Variants in OPA3 observed in about 807,000 individuals in gnomAD.
The protein encoded by OPA3 is optic atrophy 3 protein.
In OPA3, 6 loss-of-function variants were observed where a neutral mutation model predicts 4.0. The observed-to-expected ratio is 1.51, with a 90% CI of 0.83 to 2.99. OPA3 has a LOEUF of 2.99. Among genes scored for constraint, OPA3 ranks in the 30% most tolerant of loss-of-function variants. The pLI is 0.00. For missense variants in OPA3, 235 were observed against 256.2 expected (o/e 0.92, Z 0.56); for synonymous variants, 105 against 117.1 (o/e 0.90, Z 0.67).
Position 45,547,730 on chromosome 19 carries a change from T to C in OPA3, c.*5784A>G, listed in dbSNP as rs963794372. On this transcript the variant is annotated 3_prime_UTR_variant, in exon 2 of 2. Coordinates refer to ENST00000263275, the MANE Select transcript of OPA3 (RefSeq NM_025136.4). ...TTTTTTTTTTGAGATGGAGTCTCGT[T>C]CTTGTTGCCCAGGCTGGAGTGCAAT... 6.6e-6 allele frequency: 1 copy of C among 152,298 alleles called. No homozygotes were observed. The highest frequency in any genetic ancestry group is 1.5e-5 in the Non-Finnish European group (1 of 68,222). The allele number at this position is 152,298 out of a possible 1,614,324, so 9.4% of individuals were successfully genotyped here.
chr19:45,538,805 A>G (rs1019466811), intron 1 of OPA3, among the ~76,000 whole-genome samples: 1 of 152,200 alleles, frequency 6.6e-6, no homozygotes, highest in Non-Finnish European at 1.5e-5. Flanking sequence ...GCCATTTCCC[A>G]GCCACTGGAA....
chr19:45,532,350 T>C (rs527559274), intron 1 of OPA3, among the ~76,000 whole-genome samples: 19 of 152,270 alleles, frequency 1.2e-4, no homozygotes, highest in South Asian at 1.2e-3. Flanking sequence ...GCCACAACCA[T>C]GAGAATAACT....
chr19:45,553,771 C>T lies in OPA3; in HGVS notation c.283G>A (p.Gly95Ser). Reference protein sequence around the residue: ...GEATIFIVGGGCLVLEYWRHQ... With the variant: ...GEATIFIVGGSCLVLEYWRHQ... ...CGCCAGTACTCCAGCACTAGGCAGC[C>T]GCCGCCCACGATGAAGATGGTGGCT... Residue 95 changes from glycine (G) to serine (S), a missense_variant, in exon 2 of 2, where the codon GGC becomes AGC. Gly to Ser is a moderately conservative substitution (Grantham distance 56). Coordinates refer to ENST00000263275, the MANE Select transcript of OPA3 (RefSeq NM_025136.4). 6.2e-7 allele frequency: 1 copy of T among 1,612,858 alleles called. No individual in the cohort carries two copies. The highest frequency in any genetic ancestry group is 8.5e-7 in the Non-Finnish European group (1 of 1,179,824).
chr19:45,573,951 T>C (rs909169502), intron 1 of OPA3, among the ~76,000 whole-genome samples: 33 of 149,204 alleles, frequency 2.2e-4, no homozygotes, highest in African/African-American at 8.0e-4. Flanking sequence ...TCACTTGAGG[T>C]CAGGAGTTGG....
At chr19:45,545,235 C>T (rs1308695331), downstream of OPA3, among the ~76,000 whole-genome samples, 1 of 140,810 alleles carries the variant, frequency 7.1e-6, no homozygotes, top group Non-Finnish European at 1.6e-5. Context: ...TACTTCAAAA[C>T]AGAGAAAAAA....
intron 1 of OPA3, among the ~76,000 whole-genome samples, chr19:45,575,835 G>A (rs541061608): frequency 6.6e-6 from 1 of 152,226 alleles, no homozygotes; most frequent in East Asian, 1.9e-4. Context: ...TGAACCCCTG[G>A]GTTCAAGTGA....
chr19:45,554,555 T>G lies in OPA3; in HGVS notation c.143-644A>C, dbSNP rs539845804. On this transcript the variant is annotated intron_variant, in intron 1 of 1. Coordinates refer to ENST00000263275, the MANE Select transcript of OPA3 (RefSeq NM_025136.4). ...TGAGTGGTGCTGCTGGAACAAAAAC[T>G]CCTTCCTTGCCTAGCTGCTTCTTTA... Among the ~76,000 whole-genome samples the G allele has an allele frequency of 1.2e-4, 18 of 152,262 alleles. No homozygotes were observed. The East Asian group carries it at 3.3e-3, about 28-fold the overall frequency.
rs992030681 is a variant in OPA3 at position 45,547,123 on chromosome 19, G to A, written c.*6391C>T. 1 of 152,376 alleles carries A rather than the reference G, an allele frequency of 6.6e-6. No homozygotes were observed. The highest frequency in any genetic ancestry group is 6.5e-5 in the Admixed American group (1 of 15,270). The allele number at this position is 152,376 out of a possible 1,614,324, so 9.4% of individuals were successfully genotyped here. On this transcript the variant is annotated 3_prime_UTR_variant, in exon 2 of 2. Coordinates refer to ENST00000263275, the MANE Select transcript of OPA3 (RefSeq NM_025136.4). ...TCCACAGAGGGGGAAGCTGAAGCCAGATGTGGTGGAAGCAGAGGCCTGAGT... is the reference window on the plus strand; with the variant it reads ...TCCACAGAGGGGGAAGCTGAAGCCAAATGTGGTGGAAGCAGAGGCCTGAGT...
intron 1 of OPA3, among the ~76,000 whole-genome samples, chr19:45,580,131 G>T (rs1349454808): frequency 6.6e-6 from 1 of 151,386 alleles, no homozygotes; most frequent in Non-Finnish European, 1.5e-5. Flanking sequence ...CGAGTAGCTG[G>T]GATTACAGGC....
rs780840710 is a variant in OPA3 at position 45,553,516 on chromosome 19, A to C, written c.538T>G (p.Ter180GluextTer97). Residue 180 changes from the stop codon to glutamate (E), a stop_lost, in exon 2 of 2, where the codon TAG (stop) becomes GAG (glutamate). Transcript: ENST00000263275. ...TTCAGGTTCCATCCAGCAAGCTCCTATTTCTTGGACGCAGGCACTGCGTGG... is the reference window on the plus strand; with the variant it reads ...TTCAGGTTCCATCCAGCAAGCTCCTCTTTCTTGGACGCAGGCACTGCGTGG... Reference protein sequence around the residue: ...ASHAVPASKK* With the variant: ...ASHAVPASKKE 5 of 1,613,068 alleles carry C rather than the reference A, an allele frequency of 3.1e-6. No individual in the cohort carries two copies. Among genetic ancestry groups the C allele is most frequent in the Non-Finnish European group, 4.2e-6 (5 of 1,179,970 alleles).
At position 45,572,529 on chromosome 19, in the gene OPA3, T is replaced by G. The variant is rs142822384; in HGVS notation, c.142+12094A>C. On this transcript the variant is annotated intron_variant, in intron 1 of 1. Transcript: ENST00000263275. ...TATATCATATATGAGATATGAGATATATATATCATATGATATATATATCAT... is the reference window on the plus strand; with the variant it reads ...TATATCATATATGAGATATGAGATAGATATATCATATGATATATATATCAT... 9.3e-3 allele frequency among the ~76,000 whole-genome samples: 1,142 copies of G among 123,360 alleles called. 22 individuals carry two copies. Among genetic ancestry groups the G allele is most frequent in the African/African-American group, 0.03 (1,078 of 36,066 alleles). 80.9% of individuals were successfully genotyped at this position (123,360 alleles called of 152,430 possible).
At chr19:45,570,392 G>A (rs1969643906) in intron 1 of OPA3, among the ~76,000 whole-genome samples, 1 of 152,144 alleles carries the variant, frequency 6.6e-6, no homozygotes, top group African/African-American at 2.4e-5. Flanking sequence ...TACAAAGAAT[G>A]TCAAAGCTGG....
At chr19:45,529,101 T>C in exon 2 of OPA3, 1 of 1,602,166 alleles carries the variant, frequency 6.2e-7, no homozygotes, top group Admixed American at 1.7e-5. Context: ...GCGGCGGGTC[T>C]CGGAGGCAGA....
intron 1 of OPA3, among the ~76,000 whole-genome samples, chr19:45,583,531 T>C (rs946944769): frequency 6.6e-6 from 1 of 152,082 alleles, no homozygotes; most frequent in South Asian, 2.1e-4. Flanking sequence ...TGAGACAGTC[T>C]TGCTGTGTCG....
chr19:45,543,974 CAG>C (rs1195586343), downstream of OPA3, among the ~76,000 whole-genome samples: 2 of 152,172 alleles, frequency 1.3e-5, no homozygotes, highest in Admixed American at 6.6e-5. Flanking sequence ...GCTGGCAATG[CAG>C]AGTCATTTTG....
In OPA3 at chr19:45,550,476, C is replaced by T. The variant is rs73568982; in HGVS notation, c.*3038G>A. The T allele has an allele frequency of 0.01, 10,282 of 986,042 alleles. 802 individuals are homozygous for T. In the African/African-American group the frequency reaches 0.17, roughly 16 times the overall value. 61.1% of individuals were successfully genotyped at this position (986,042 alleles called of 1,614,324 possible). On this transcript the variant is annotated 3_prime_UTR_variant, in exon 2 of 2. Transcript: ENST00000263275. Reference sequence around the variant, plus strand: ...ATGGTCTGGGCCTCTGTGTAGAGATCGTCACCCTCCCAGCCTCTGCTCAGC... The same window carrying T: ...ATGGTCTGGGCCTCTGTGTAGAGATTGTCACCCTCCCAGCCTCTGCTCAGC...
intron 1 of OPA3, among the ~76,000 whole-genome samples, chr19:45,554,342 A>C (rs1372476526): frequency 6.6e-6 from 1 of 152,204 alleles, no homozygotes; most frequent in Non-Finnish European, 1.5e-5. Context: ...CTGGCTCCAA[A>C]GGGCAGCTTA....
chr19:45,532,054 G>A (rs1276343731), intron 1 of OPA3, among the ~76,000 whole-genome samples: 1 of 152,188 alleles, frequency 6.6e-6, no homozygotes, highest in Non-Finnish European at 1.5e-5. Context: ...ATTTATGGTG[G>A]GGGCTTTGGG....
At chr19:45,529,908 A>AT (rs529932210) in intron 1 of OPA3, among the ~76,000 whole-genome samples, 7 of 151,250 alleles carry the variant, frequency 4.6e-5, no homozygotes, top group Non-Finnish European at 8.8e-5. Context: ...TAATTTTTTA[A>AT]TTTTTTGTAG....
Sources: gnomAD v4.1 joint callset for allele counts (sites outside exome capture counted in the v4.1 genomes callset) on GRCh38, gnomAD v4.1.1 for gene constraint, MANE v1.5 for transcripts, NCBI Gene and HGNC (gene_info 2026-07-23, HGNC 2026-07-21) for gene names.